The following TECPR1 variants were observed in gnomAD, a reference collection of about 807,000 sequenced individuals.
TECPR1 encodes the protein tectonin beta-propeller repeat containing 1.
A neutral mutation model predicts 162.4 loss-of-function variants in TECPR1; 122 were observed. That is an observed-to-expected ratio of 0.75 (90% CI 0.65 to 0.87). The LOEUF (loss-of-function observed/expected upper bound fraction) is 0.87, where lower values mean the gene tolerates loss of function less well. TECPR1 is among the 40% of genes least tolerant of loss of function. The pLI, the probability that TECPR1 is intolerant of heterozygous loss-of-function variation, is 0.00. For synonymous variants in TECPR1, 642 were observed against 670.6 expected, an observed-to-expected ratio of 0.96 and a Z score of 0.66; for missense variants, 1,432 against 1,618.2, an observed-to-expected ratio of 0.88 and a Z score of 1.97.
In TECPR1 at chr7:98,244,868, G is replaced by T. The variant is rs368888839; in HGVS notation, c.408+17C>A. On this transcript the variant is annotated intron_variant, in intron 4 of 25. Transcript: ENST00000447648. Reference sequence around the variant, plus strand: ...CCTCCCCACAGGGCAGTCATGGAGGGTCCCAAGTTCACCTACCCCTTTCTC... The same window carrying T: ...CCTCCCCACAGGGCAGTCATGGAGGTTCCCAAGTTCACCTACCCCTTTCTC... The T allele has an allele frequency of 2.7e-5, 44 of 1,612,552 alleles. No individual in the cohort carries two copies. The highest frequency in any genetic ancestry group is 8.5e-6 in the Non-Finnish European group (10 of 1,179,726).
chr7:98,229,014 C>CG (rs547871111), intron 16 of TECPR1, 25 bp downstream of exon 16: 266 of 1,595,102 alleles, frequency 1.7e-4, no homozygotes, highest in Middle Eastern at 1.6e-3. Flanking sequence ...AGGAAGGCTC[C>CG]GGGGGGGCTG....
chr7:98,218,756 T>C (rs1798078065), intron 23 of TECPR1, among the ~76,000 whole-genome samples: 1 of 152,180 alleles, frequency 6.6e-6, no homozygotes. Flanking sequence ...ATTCATGGAT[T>C]GATGAGTATG....
chr7:98,248,715 C>T (rs1185823008), intron 2 of TECPR1, among the ~76,000 whole-genome samples: 2 of 151,594 alleles, frequency 1.3e-5, no homozygotes, highest in South Asian at 2.1e-4. Flanking sequence ...GGCACAGTGG[C>T]GCGTGCCTGT....
At chr7:98,219,911 A>C (rs1015541501) in intron 23 of TECPR1, among the ~76,000 whole-genome samples, 11 of 152,060 alleles carry the variant, frequency 7.2e-5, no homozygotes, top group African/African-American at 2.7e-4. Context: ...CAAATTAAAA[A>C]AAAAGAAGAT....
intron 21 of TECPR1, chr7:98,222,737 T>G: frequency 1.3e-6 from 1 of 784,540 alleles, no homozygotes; most frequent in South Asian, 1.7e-5. Flanking sequence ...CCCGTGGGCG[T>G]GTGCACCTCA....
intron 22 of TECPR1, 86 bp downstream of exon 22, chr7:98,222,300 G>T: frequency 6.7e-7 from 1 of 1,492,044 alleles, no homozygotes; most frequent in East Asian, 2.4e-5. Context: ...AGCTTCTGGG[G>T]GACCCTGGCC....
intron 17 of TECPR1, among the ~76,000 whole-genome samples, chr7:98,227,785 G>C (rs915002402): frequency 1.4e-5 from 2 of 138,868 alleles, no homozygotes; most frequent in South Asian, 2.3e-4. Flanking sequence ...TCATGCCATG[G>C]CACTCCAGCC....
rs1415015698 is a variant in TECPR1 at position 98,233,742 on chromosome 7, C to T, written c.1351G>A (p.Gly451Ser). ...TGNSASGLGA[G>S]RTAEDTVEDA... ...TCCACGGTATCTTCTGCGGTCCTGCCAGCCCCCAGGCCTGAGGCTGAGTTC... is the reference window on the plus strand; with the variant it reads ...TCCACGGTATCTTCTGCGGTCCTGCTAGCCCCCAGGCCTGAGGCTGAGTTC... Residue 451 changes from glycine to serine, a missense_variant, in exon 11 of 26, where the codon GGC becomes AGC. Gly to Ser is a moderately conservative substitution (Grantham distance 56). Coordinates refer to ENST00000447648, the MANE Select transcript of TECPR1 (RefSeq NM_015395.3). 17 of 1,612,364 alleles carry T rather than the reference C, an allele frequency of 1.1e-5. No homozygotes were observed. Among genetic ancestry groups the T allele is most frequent in the Non-Finnish European group, 1.4e-5 (17 of 1,179,738 alleles).
At chr7:98,226,382 G>T in intron 17 of TECPR1, 1 of 936,158 alleles carries the variant, frequency 1.1e-6, no homozygotes, top group Non-Finnish European at 1.3e-6. Context: ...CGCTGAAAAG[G>T]TCACATATGG....
rs774949986 is a variant in TECPR1, at chr7:98,231,322, C to T, written c.2026G>A (p.Glu676Lys). The T allele has an allele frequency of 4.3e-6, 7 of 1,611,584 alleles. No individual in the cohort carries two copies. The highest frequency in any genetic ancestry group is 2.2e-5 in the South Asian group (2 of 90,658). The change falls in exon 14 of 26, where the codon GAG becomes AAG. Residue 676 changes from glutamate to lysine, a missense_variant. By Grantham distance (56) the Glu-to-Lys change is moderately conservative. Coordinates refer to ENST00000447648, the MANE Select transcript of TECPR1 (RefSeq NM_015395.3). ...TACAGGGCAAAGGAGTGCTTGGTCT[C>T]GTTCAGCACTGGGACCAGCGCCACC... is the stretch of plus-strand genomic sequence containing the variant. Reference protein sequence around the residue: ...EVVALVPVLNETKHSFALYTP... With the variant: ...EVVALVPVLNKTKHSFALYTP...
chr7:98,242,238 C>T (rs1430743055), intron 6 of TECPR1, among the ~76,000 whole-genome samples: 2 of 152,294 alleles, frequency 1.3e-5, no homozygotes, highest in African/African-American at 4.8e-5. Context: ...GTGGTGAGAG[C>T]GACTGAAGAA....
intron 17 of TECPR1, among the ~76,000 whole-genome samples, chr7:98,225,537 G>A (rs1201982109): frequency 4.2e-5 from 6 of 144,546 alleles, no homozygotes; most frequent in African/African-American, 5.1e-5. Context: ...GCAAGACTTC[G>A]TCTCAAAAAA....
In TECPR1 at chr7:98,221,731, C is replaced by T. The variant is rs373677346; in HGVS notation, c.3087G>A (p.Pro1029=). The change falls in exon 23 of 26, where the codon CCG becomes CCA. Residue 1029 remains proline (P), a synonymous_variant. Coordinates refer to ENST00000447648, the MANE Select transcript of TECPR1 (RefSeq NM_015395.3). The part of the protein sequence containing the change: ...QPAGDCWYHI[P]SPPRQRLKQV... ...GCTTCAGCCTCTGTCTCGGTGGGGA[C>T]GGGATGTGGTACCAGCAGTCACCTG... 8.7e-6 allele frequency: 14 copies of T among 1,613,052 alleles called. No individual in the cohort carries two copies. Among genetic ancestry groups the T allele is most frequent in the Middle Eastern group, 1.6e-4 (1 of 6,078 alleles).
In TECPR1 at chr7:98,223,828, G is replaced by A. The variant is rs1310757113; in HGVS notation, c.2691-110C>T. On this transcript the variant is annotated intron_variant, in intron 19 of 25. Coordinates refer to ENST00000447648, the MANE Select transcript of TECPR1 (RefSeq NM_015395.3). ...CCGTTACAGGGCATGGGGACTGGGT[G>A]GAAGCCATGGATGGGGTTCAGAGAA... 12 of 1,190,452 alleles carry A rather than the reference G, an allele frequency of 1.0e-5. No individual in the cohort carries two copies. In the Admixed American group the frequency reaches 2.1e-4, roughly 21 times the overall value. 73.7% of individuals were successfully genotyped at this position (1,190,452 alleles called of 1,614,324 possible).
intron 8 of TECPR1, among the ~76,000 whole-genome samples, chr7:98,239,595 T>A (rs1798694427): frequency 6.6e-6 from 1 of 152,028 alleles, no homozygotes; most frequent in Admixed American, 6.6e-5. Context: ...GTTGCCCATT[T>A]AATCCAAAGA....
intron 2 of TECPR1, among the ~76,000 whole-genome samples, chr7:98,248,282 C>T (rs1032420955): frequency 3.9e-5 from 6 of 152,146 alleles, no homozygotes; most frequent in Admixed American, 6.6e-5. Flanking sequence ...CCCGACAGGG[C>T]GGCTCCTAGA....
In TECPR1 at chr7:98,222,413, C is replaced by CG; in HGVS notation, c.3036_3037insC (p.Gly1013ArgfsTer11). The stretch of plus-strand genomic sequence containing the variant: ...GCTGGCTGCGAGGGGTACACGGATC[C>CG]CCGGTAGAAGGCGGAGCCGTCCCTT... On this transcript the variant is annotated frameshift_variant, in exon 22 of 26. Coordinates refer to ENST00000447648, the MANE Select transcript of TECPR1 (RefSeq NM_015395.3). LOFTEE classifies it high-confidence loss of function. 1 of 1,599,102 alleles carries CG rather than the reference C, an allele frequency of 6.3e-7. No individual in the cohort carries two copies. The highest frequency in any genetic ancestry group is 8.5e-7 in the Non-Finnish European group (1 of 1,173,892).
At position 98,231,025 on chromosome 7, in the gene TECPR1, T is replaced by C; in HGVS notation, c.2218A>G (p.Ile740Val). The part of the protein sequence containing the change: ...AIWSITCKGD[I>V]FVSEPSPDLE... ...TCTGGGCTGGGCTCGCTCACGAAGATGTCCCCCTTGCAGGTGATGGACCAG... is the reference window on the plus strand; with the variant it reads ...TCTGGGCTGGGCTCGCTCACGAAGACGTCCCCCTTGCAGGTGATGGACCAG... The change falls in exon 15 of 26, where the codon ATC becomes GTC. Residue 740 changes from isoleucine to valine, a missense_variant. Transcript: ENST00000447648. 6.2e-7 allele frequency: 1 copy of C among 1,612,878 alleles called. No homozygotes were observed. Among genetic ancestry groups the C allele is most frequent in the South Asian group, 1.1e-5 (1 of 91,024 alleles).
rs963170555 is a variant in TECPR1, at chr7:98,221,691, G to A, written c.3127C>T (p.Gln1043Ter). The change falls in exon 23 of 26, where the codon CAG becomes TAG. Residue 1043 changes from glutamine to a stop codon, truncating the protein, a stop_gained. Transcript: ENST00000447648. LOFTEE classifies it high-confidence loss of function. ...TCATCCAGGGCATACACCGACGTCT[G>A]CCCCGCGGACACCTGCTTCAGCCTC... ...RQRLKQVSAG[Q>*]TSVYALDENG... 6.2e-7 allele frequency: 1 copy of A among 1,613,088 alleles called. No homozygotes were observed. Among genetic ancestry groups the A allele is most frequent in the African/African-American group, 1.3e-5 (1 of 74,792 alleles).
Sources: allele counts gnomAD v4.1 joint callset (sites outside exome capture counted in the v4.1 genomes callset), GRCh38; gene constraint gnomAD v4.1.1; transcripts MANE v1.5; gene names NCBI Gene and HGNC (gene_info 2026-07-23, HGNC 2026-07-21).